Variants in ITPRID1 observed in about 807,000 individuals in gnomAD.
The protein encoded by ITPRID1 is protein ITPRID1.
In ITPRID1, 96 loss-of-function variants were observed where a neutral mutation model predicts 95.4. That is an observed-to-expected ratio of 1.01 (90% CI 0.85 to 1.19). The LOEUF (loss-of-function observed/expected upper bound fraction) is 1.19. Among genes scored for constraint, ITPRID1 ranks in the 50% most tolerant of loss-of-function variants. The pLI is 0.00. For synonymous variants in ITPRID1, 510 were observed against 453.6 expected (o/e 1.12, Z -1.58); for missense variants, 1,339 against 1,252.9 (o/e 1.07, Z -1.04).
chr7:31,628,604 C>T (rs1442397819), intron 10 of ITPRID1, among the ~76,000 whole-genome samples: 1 of 152,030 alleles, frequency 6.6e-6, no homozygotes, highest in Non-Finnish European at 1.5e-5. Context: ...ACTACAGGCG[C>T]CCGCCACCAC....
chr7:31,528,179 C>T (rs754750707), intron 1 of ITPRID1, among the ~76,000 whole-genome samples: 1 of 152,148 alleles, frequency 6.6e-6, no homozygotes, highest in Non-Finnish European at 1.5e-5. Flanking sequence ...GCTCTGAGTG[C>T]TGCACTCTCC....
chr7:31,539,095 T>C (rs1783851029), intron 1 of ITPRID1, among the ~76,000 whole-genome samples: 1 of 152,250 alleles, frequency 6.6e-6, no homozygotes, highest in African/African-American at 2.4e-5. Flanking sequence ...CTGAAGGACA[T>C]CTTGGTTGCT....
intron 10 of ITPRID1, among the ~76,000 whole-genome samples, chr7:31,634,566 C>T (rs1789309630): frequency 6.6e-6 from 1 of 152,098 alleles, no homozygotes; most frequent in African/African-American, 2.4e-5. Context: ...GTAGAGCAGG[C>T]TTCAAATTTT....
chr7:31,601,874 C>T (rs1318921020), intron 10 of ITPRID1, among the ~76,000 whole-genome samples: 2 of 152,186 alleles, frequency 1.3e-5, no homozygotes, highest in African/African-American at 2.4e-5. Flanking sequence ...GAACAAGTCT[C>T]AGTGGCCCTG....
chr7:31,642,185 T>A lies in ITPRID1; in HGVS notation c.1238T>A (p.Val413Glu), dbSNP rs780199887. Residue 413 changes from valine (V) to glutamate (E), a missense_variant, in exon 11 of 15, where the codon GTG becomes GAG. Val to Glu is a moderately radical substitution (Grantham distance 121). Transcript: ENST00000615280. ...DMTSGTVGAR[V>E]DRANSCQSDS... ...CTCTTTCATTCTGCAGGTGCCAGGG[T>A]GGACAGAGCAAATAGCTGCCAGTCT... 1.3e-6 allele frequency: 2 copies of A among 1,559,816 alleles called. No homozygotes were observed. Among genetic ancestry groups the A allele is most frequent in the Middle Eastern group, 2.1e-4 (1 of 4,872 alleles).
chr7:31,520,724 T>C (rs1188617533), intron 1 of ITPRID1, among the ~76,000 whole-genome samples: 2 of 152,160 alleles, frequency 1.3e-5, no homozygotes, highest in African/African-American at 4.8e-5. Flanking sequence ...AGTGTTTTGC[T>C]TCTAGGCCCT....
rs1033037479 is a variant in ITPRID1 at position 31,533,659 on chromosome 7, A to G, written c.-97-15767A>G. Reference sequence around the variant, plus strand: ...CATCCTACACATTTTGATATGTTATATTTCCTTTATCTTTTAGTTCAAATA... The same window carrying G: ...CATCCTACACATTTTGATATGTTATGTTTCCTTTATCTTTTAGTTCAAATA... On this transcript the variant is annotated intron_variant, in intron 1 of 14. Coordinates refer to ENST00000615280, the MANE Select transcript of ITPRID1 (RefSeq NM_001257967.3). 2.8e-4 allele frequency among the ~76,000 whole-genome samples: 42 copies of G among 151,914 alleles called. 1 individual carries two copies. Among genetic ancestry groups the G allele is most frequent in the Non-Finnish European group, 1.6e-4 (11 of 67,948 alleles).
At chr7:31,648,481 A>G (rs1755121316) in intron 12 of ITPRID1, among the ~76,000 whole-genome samples, 1 of 152,116 alleles carries the variant, frequency 6.6e-6, no homozygotes, top group Admixed American at 6.6e-5. Context: ...TTTCCAAATA[A>G]CCAGAAGATG....
chr7:31,546,056 G>T (rs1288603806), intron 1 of ITPRID1, among the ~76,000 whole-genome samples: 1 of 151,972 alleles, frequency 6.6e-6, no homozygotes, highest in African/African-American at 2.4e-5. Flanking sequence ...ACATTAAACA[G>T]TCTATGTGGA....
intron 5 of ITPRID1, among the ~76,000 whole-genome samples, chr7:31,564,198 A>G (rs1189083598): frequency 6.6e-5 from 10 of 152,188 alleles, no homozygotes; most frequent in Non-Finnish European, 4.4e-5. Flanking sequence ...TACATTTTGC[A>G]GGGTTAAGTG....
chr7:31,523,327 A>G (rs1222927617), intron 1 of ITPRID1, among the ~76,000 whole-genome samples: 1 of 152,236 alleles, frequency 6.6e-6, no homozygotes, highest in African/African-American at 2.4e-5. Context: ...AGAAATGGAT[A>G]TAAATGCTTC....
In ITPRID1 at chr7:31,654,471, T is replaced by C. The variant is rs1322671293; in HGVS notation, c.*1642T>C. On this transcript the variant is annotated 3_prime_UTR_variant, in exon 15 of 15. Coordinates refer to ENST00000615280, the MANE Select transcript of ITPRID1 (RefSeq NM_001257967.3). ...GTGGGTTTTAAGCAGGGTCGTCATA[T>C]AATCTGATTTACGTTTTGAAGTCAT... 6.6e-6 allele frequency among the ~76,000 whole-genome samples: 1 copy of C among 152,156 alleles called. No homozygotes were observed. The highest frequency in any genetic ancestry group is 1.5e-5 in the Non-Finnish European group (1 of 68,026).
At chr7:31,631,544 A>C (rs919570287) in intron 10 of ITPRID1, among the ~76,000 whole-genome samples, 13 of 152,110 alleles carry the variant, frequency 8.5e-5, no homozygotes, top group Non-Finnish European at 1.8e-4. Flanking sequence ...TACTTCTATC[A>C]TACTGAAAAG....
At chr7:31,587,228 A>G (rs1260972106) in intron 10 of ITPRID1, among the ~76,000 whole-genome samples, 1 of 152,196 alleles carries the variant, frequency 6.6e-6, no homozygotes, top group African/African-American at 2.4e-5. Flanking sequence ...ATGATTGTAT[A>G]TCTAGAAAAC....
chr7:31,637,897 T>C (rs1168831502), intron 10 of ITPRID1, among the ~76,000 whole-genome samples: 2 of 152,226 alleles, frequency 1.3e-5, no homozygotes, highest in East Asian at 3.8e-4. Context: ...TTAATCCATC[T>C]TGAATTAATT....
chr7:31,583,229 C>T, intron 10 of ITPRID1, 38 bp downstream of exon 10: 1 of 1,382,944 alleles, frequency 7.2e-7, no homozygotes, highest in Non-Finnish European at 1.0e-6. Context: ...CATCAATGGT[C>T]TTTCAGAATG....
chr7:31,542,815 T>C (rs549094322), intron 1 of ITPRID1, among the ~76,000 whole-genome samples: 1 of 152,248 alleles, frequency 6.6e-6, no homozygotes, highest in South Asian at 2.1e-4. Flanking sequence ...CAAACAAAAA[T>C]GTATGCTGAC....
intron 1 of ITPRID1, among the ~76,000 whole-genome samples, chr7:31,520,560 TGTGTGAGAGA>T (rs1197689377): frequency 0.017 from 1,300 of 78,590 alleles, 18 homozygotes; most frequent in African/African-American, 0.062. Context: ...TGTGTGTGTG[TGTGTGAGAGA>T]GAGAGAGAGA....
chr7:31,587,133 G>A (rs1267360041), intron 10 of ITPRID1, among the ~76,000 whole-genome samples: 1 of 152,102 alleles, frequency 6.6e-6, no homozygotes, highest in Non-Finnish European at 1.5e-5. Context: ...TGGAAGTTCT[G>A]GCCAGGGCAA....
Sources: gnomAD v4.1 joint callset for allele counts (sites outside exome capture counted in the v4.1 genomes callset) on GRCh38, gnomAD v4.1.1 for gene constraint, MANE v1.5 for transcripts, NCBI Gene and HGNC (gene_info 2026-07-23, HGNC 2026-07-21) for gene names.